PLXNA4: variants seen among roughly 807,000 people sequenced by gnomAD.
The protein encoded by PLXNA4 is plexin-A4.
A neutral mutation model predicts 191.8 loss-of-function variants in PLXNA4; 44 were observed. The ratio of observed to expected loss-of-function variants is 0.23; its 90% CI spans 0.18 to 0.29. The LOEUF (loss-of-function observed/expected upper bound fraction) is 0.29, where lower values mean the gene tolerates loss of function less well. Ranked by LOEUF, PLXNA4 falls within the 10% of genes least tolerant of loss-of-function variation. PLXNA4 has a pLI of 1.00. For synonymous variants in PLXNA4, 1,082 were observed against 1,009.5 expected, an observed-to-expected ratio of 1.07 and a Z score of -1.36; for missense variants, 1,800 against 2,488.8, an observed-to-expected ratio of 0.72 and a Z score of 5.89.
At chr7:132,356,521 C>T (rs751254152) in intron 3 of PLXNA4, among the ~76,000 whole-genome samples, 6 of 152,348 alleles carry the variant, frequency 3.9e-5, no homozygotes, top group Non-Finnish European at 7.3e-5. Flanking sequence ...TAAGGGCAAA[C>T]CCCTGCAAGG....
chr7:132,618,037 C>T (rs1211638474), intron 2 of PLXNA4, among the ~76,000 whole-genome samples: 8 of 152,170 alleles, frequency 5.3e-5, no homozygotes, highest in South Asian at 2.1e-4. Context: ...GACCCTTCAT[C>T]TTATGGGTGC....
At chr7:132,315,901 G>A (rs1475730521) in intron 3 of PLXNA4, among the ~76,000 whole-genome samples, 2 of 152,186 alleles carry the variant, frequency 1.3e-5, no homozygotes, top group Non-Finnish European at 2.9e-5. Context: ...GACTTTTGGG[G>A]GCATGGTGGG....
chr7:132,148,786 G>A, intron 25 of PLXNA4, 140 bp from the exon 26 acceptor site: 2 of 1,355,320 alleles, frequency 1.5e-6, no homozygotes, highest in Non-Finnish European at 2.0e-6. Flanking sequence ...CTGCGAAAAT[G>A]GAGTGCCAAA....
At chr7:132,190,670 G>A (rs989324364) in intron 14 of PLXNA4, among the ~76,000 whole-genome samples, 16 of 152,212 alleles carry the variant, frequency 1.1e-4, no homozygotes, top group African/African-American at 3.4e-4. Context: ...CTCAGGGGTG[G>A]GGGCCTGGCT....
At chr7:132,569,623 C>T (rs747749510) in intron 1 of PLXNA4, among the ~76,000 whole-genome samples, 8 of 152,174 alleles carry the variant, frequency 5.3e-5, no homozygotes, top group Admixed American at 6.5e-5. Context: ...ATGATTTTTC[C>T]CAAAATGCTT....
chr7:132,151,530 A>G (rs1584768343), intron 25 of PLXNA4, among the ~76,000 whole-genome samples: 16 of 65,102 alleles, frequency 2.5e-4, no homozygotes, highest in Non-Finnish European at 4.6e-4. Context: ...AGGAGGAGAA[A>G]GGAGGAGGAG....
intron 12 of PLXNA4, among the ~76,000 whole-genome samples, chr7:132,200,122 C>T (rs1466205353): frequency 6.6e-6 from 1 of 152,166 alleles, no homozygotes; most frequent in African/African-American, 2.4e-5. Flanking sequence ...TTATCTCTGG[C>T]CCACTCCTTC....
chr7:132,561,941 A>C (rs867246884), intron 1 of PLXNA4, among the ~76,000 whole-genome samples: 2,948 of 29,910 alleles, frequency 0.099, no homozygotes, highest in African/African-American at 0.12. Flanking sequence ...CCTCCTCCTT[A>C]CCCTCCTCTT....
chr7:132,235,843 A>G (rs998438221), intron 5 of PLXNA4, among the ~76,000 whole-genome samples: 1 of 152,192 alleles, frequency 6.6e-6, no homozygotes, highest in Non-Finnish European at 1.5e-5. Context: ...GACAGGAGAT[A>G]GCTGTGATAG....
chr7:132,542,160 C>T (rs1422438985), intron 1 of PLXNA4, among the ~76,000 whole-genome samples: 1 of 152,116 alleles, frequency 6.6e-6, no homozygotes, highest in Non-Finnish European at 1.5e-5. Flanking sequence ...AGAAATAATA[C>T]ATGACTGGTG....
rs547445730 is a variant in PLXNA4 at position 132,128,282 on chromosome 7, A to T, written c.*2197T>A. On this transcript the variant is annotated 3_prime_UTR_variant, in exon 32 of 32. Transcript: ENST00000321063. Reference sequence around the variant, plus strand: ...CACTTGCCAAAACCTTTGGTTATTTATTTTTTTTCTTCCTCTTCCAATGCA... The same window carrying T: ...CACTTGCCAAAACCTTTGGTTATTTTTTTTTTTTCTTCCTCTTCCAATGCA... 1.3e-5 allele frequency: 2 copies of T among 152,056 alleles called. No individual in the cohort carries two copies. The highest frequency in any genetic ancestry group is 1.9e-4 in the East Asian group (1 of 5,180). The allele number at this position is 152,056 out of a possible 1,614,324, so 9.4% of individuals were successfully genotyped here. A position where few individuals can be genotyped will look rare whatever the true frequency, so the allele number is the denominator to read the frequency against.
chr7:132,484,796 T>C, intron 3 of PLXNA4: 1 of 1,613,298 alleles, frequency 6.2e-7, no homozygotes, highest in East Asian at 2.2e-5. Context: ...TTAAAGTGGA[T>C]TCAAATTTCC....
intron 3 of PLXNA4, among the ~76,000 whole-genome samples, chr7:132,344,995 A>T (rs1282225828): frequency 1.3e-5 from 2 of 152,158 alleles, no homozygotes; most frequent in Admixed American, 1.3e-4. Flanking sequence ...GGTAAATAAT[A>T]CATATTTTCC....
chr7:132,641,070 C>T (rs191490246), intron 2 of PLXNA4, among the ~76,000 whole-genome samples: 2 of 152,334 alleles, frequency 1.3e-5, no homozygotes, highest in African/African-American at 4.8e-5. Context: ...CCAAGACTTT[C>T]TTCCAAGTTC....
intron 3 of PLXNA4, among the ~76,000 whole-genome samples, chr7:132,479,998 A>AC (rs1797277053): frequency 1.3e-5 from 2 of 152,092 alleles, no homozygotes; most frequent in African/African-American, 4.8e-5. Flanking sequence ...TATATAAAGA[A>AC]CTATGTACAC....
intron 4 of PLXNA4, among the ~76,000 whole-genome samples, chr7:132,272,071 G>A (rs1256271926): frequency 1.3e-5 from 2 of 152,112 alleles, no homozygotes; most frequent in African/African-American, 4.8e-5. Context: ...AACACATGAG[G>A]GTTTAGGTAG....
intron 3 of PLXNA4, among the ~76,000 whole-genome samples, chr7:132,319,985 T>C (rs1802100382): frequency 6.6e-6 from 1 of 152,238 alleles, no homozygotes. Context: ...TGGACTGCCC[T>C]GGTGAACATC....
intron 3 of PLXNA4, among the ~76,000 whole-genome samples, chr7:132,477,458 A>G (rs915651146): frequency 2.0e-5 from 3 of 152,208 alleles, no homozygotes; most frequent in South Asian, 2.1e-4. Context: ...CCAGATAAAT[A>G]ACATGGAGCA....
intron 10 of PLXNA4, among the ~76,000 whole-genome samples, chr7:132,210,178 G>A (rs1336911166): frequency 6.6e-6 from 1 of 152,158 alleles, no homozygotes; most frequent in Non-Finnish European, 1.5e-5. Context: ...GTTTGTCTCT[G>A]AGCATCTGGG....
Sources: gnomAD v4.1 joint callset for allele counts (sites outside exome capture counted in the v4.1 genomes callset) on GRCh38, gnomAD v4.1.1 for gene constraint, MANE v1.5 for transcripts, NCBI Gene and HGNC (gene_info 2026-07-23, HGNC 2026-07-21) for gene names.